The following SLCO1A2 variants were observed in gnomAD, a reference collection of about 807,000 sequenced individuals.
SLCO1A2 encodes the protein solute carrier organic anion transporter family member 1A2, also known as OATP-1.
Under a neutral mutation model 69.0 loss-of-function variants are expected in SLCO1A2, and 67 were observed. The observed-to-expected ratio is 0.97, with a 90% confidence interval of 0.80 to 1.19. SLCO1A2 has a LOEUF of 1.19. SLCO1A2 is among the 50% of genes most tolerant of loss of function. The pLI, the probability that SLCO1A2 is intolerant of heterozygous loss-of-function variation, is 0.00. For missense variants in SLCO1A2, 787 were observed against 793.7 expected (o/e 0.99, Z 0.10); for synonymous variants, 260 against 265.9 (o/e 0.98, Z 0.22).
intron 11 of SLCO1A2, among the ~76,000 whole-genome samples, chr12:21,293,317 A>G (rs937106538): frequency 2.6e-5 from 4 of 152,184 alleles, no homozygotes; most frequent in African/African-American, 9.7e-5. Flanking sequence ...AAAAGAAAAG[A>G]AAAGAAATAG....
chr12:21,348,820 T>C (rs1037872360), intron 2 of SLCO1A2, among the ~76,000 whole-genome samples: 3 of 152,200 alleles, frequency 2.0e-5, no homozygotes, highest in African/African-American at 7.2e-5. Flanking sequence ...GTGCAGCTAC[T>C]CTGAATAATA....
Position 21,274,406 on chromosome 12 carries a change from A to G in SLCO1A2, c.1793+63T>C, listed in dbSNP as rs1591772391. On this transcript the variant is annotated intron_variant, in intron 14 of 14. Transcript: ENST00000683939. Reference sequence around the variant, plus strand: ...TTGACAAAGAAAAAGTTACGTGTGAATGGTGCTGCGTTATGCACAGTCTAT... The same window carrying G: ...TTGACAAAGAAAAAGTTACGTGTGAGTGGTGCTGCGTTATGCACAGTCTAT... 6 of 1,029,354 alleles carry G rather than the reference A, an allele frequency of 5.8e-6. No homozygotes were observed. The South Asian group carries it at 7.3e-5, about 13-fold the overall frequency. 63.8% of individuals were successfully genotyped at this position (1,029,354 alleles called of 1,614,324 possible). A position where few individuals can be genotyped will look rare whatever the true frequency, so the allele number is the denominator to read the frequency against.
intron 1 of SLCO1A2, among the ~76,000 whole-genome samples, chr12:21,415,888 A>G (rs1013912176): frequency 5.9e-5 from 9 of 151,678 alleles, no homozygotes; most frequent in African/African-American, 1.7e-4. Flanking sequence ...ATATTTTCCT[A>G]CTTTTTGTCC....
intron 2 of SLCO1A2, among the ~76,000 whole-genome samples, chr12:21,325,581 G>A (rs1952160714): frequency 6.6e-6 from 1 of 152,072 alleles, no homozygotes; most frequent in African/African-American, 2.4e-5. Flanking sequence ...GCCTTTTGCT[G>A]TTTCTTCAAT....
At chr12:21,407,551 A>G (rs762457489) in intron 1 of SLCO1A2, among the ~76,000 whole-genome samples, 2 of 152,196 alleles carry the variant, frequency 1.3e-5, no homozygotes. Flanking sequence ...CTATAATCCA[A>G]GCACTTTGGG....
intron 2 of SLCO1A2, among the ~76,000 whole-genome samples, chr12:21,327,465 C>T: frequency 6.6e-6 from 1 of 152,114 alleles, no homozygotes; most frequent in East Asian, 1.9e-4. Flanking sequence ...GGAAAAGCCA[C>T]AGAACACTCA....
At chr12:21,287,908 G>A (rs60183685) in intron 12 of SLCO1A2, among the ~76,000 whole-genome samples, 15,354 of 119,800 alleles carry the variant, frequency 0.13, 1,279 homozygotes, top group African/African-American at 0.21. Flanking sequence ...TATACCTAAT[G>A]CTAGATGACG....
At chr12:21,272,378 G>A (rs1349098923) in intron 14 of SLCO1A2, among the ~76,000 whole-genome samples, 1 of 151,622 alleles carries the variant, frequency 6.6e-6, no homozygotes, top group African/African-American at 2.4e-5. Flanking sequence ...TGTGGGACAA[G>A]TATATTGAAA....
At chr12:21,409,683 A>C (rs1941876718) in intron 1 of SLCO1A2, among the ~76,000 whole-genome samples, 1 of 152,162 alleles carries the variant, frequency 6.6e-6, no homozygotes, top group South Asian at 2.1e-4. Flanking sequence ...GCAAAGTATT[A>C]AGATGAATTC....
intron 12 of SLCO1A2, among the ~76,000 whole-genome samples, chr12:21,281,106 G>C (rs1418848199): frequency 6.6e-6 from 1 of 151,946 alleles, no homozygotes; most frequent in Non-Finnish European, 1.5e-5. Flanking sequence ...TACTAAGAAG[G>C]AAGTTTATAA....
At chr12:21,367,456 A>G (rs1471065245) in intron 2 of SLCO1A2, among the ~76,000 whole-genome samples, 3 of 152,188 alleles carry the variant, frequency 2.0e-5, no homozygotes, top group African/African-American at 4.8e-5. Flanking sequence ...AGGCTATAGG[A>G]GAAAGATTTC....
intron 13 of SLCO1A2, 46 bp from the exon 14 acceptor site, chr12:21,274,632 A>G (rs1342470338): frequency 1.7e-6 from 2 of 1,200,792 alleles, no homozygotes; most frequent in Admixed American, 3.6e-5. Context: ...GAATTAAGAT[A>G]CTTGATTTAT....
intron 12 of SLCO1A2, among the ~76,000 whole-genome samples, chr12:21,285,597 C>T (rs1326788884): frequency 1.5e-5 from 2 of 134,832 alleles, no homozygotes; most frequent in East Asian, 4.2e-4. Context: ...AACATTGATG[C>T]AAAAATCCTC....
intron 2 of SLCO1A2, among the ~76,000 whole-genome samples, chr12:21,322,711 T>C (rs1951786315): frequency 6.6e-6 from 1 of 152,286 alleles, no homozygotes; most frequent in East Asian, 1.9e-4. Context: ...GGTTTTTTCC[T>C]GAATTCCAAA....
chr12:21,351,832 T>C (rs993128717), intron 2 of SLCO1A2, among the ~76,000 whole-genome samples: 1 of 151,928 alleles, frequency 6.6e-6, no homozygotes, highest in Admixed American at 6.6e-5. Flanking sequence ...AGACCATTAT[T>C]GAAGGGAATA....
At chr12:21,389,137 G>C (rs187309724) in intron 1 of SLCO1A2, among the ~76,000 whole-genome samples, 1 of 152,226 alleles carries the variant, frequency 6.6e-6, no homozygotes, top group African/African-American at 2.4e-5. Context: ...ATATGAGTTA[G>C]GGTCACTGTG....
chr12:21,362,807 C>A (rs1013109779), intron 2 of SLCO1A2, among the ~76,000 whole-genome samples: 2 of 152,172 alleles, frequency 1.3e-5, no homozygotes, highest in African/African-American at 4.8e-5. Flanking sequence ...AAGGCCATTA[C>A]ATAATGGTAA....
At chr12:21,326,260 T>G (rs187441787) in intron 2 of SLCO1A2, among the ~76,000 whole-genome samples, 2 of 152,304 alleles carry the variant, frequency 1.3e-5, no homozygotes, top group Non-Finnish European at 2.9e-5. Context: ...CTTTATAAAT[T>G]ACCCAGTCTC....
intron 14 of SLCO1A2, among the ~76,000 whole-genome samples, chr12:21,271,722 T>C (rs1489542649): frequency 6.7e-6 from 1 of 148,306 alleles, no homozygotes; most frequent in Non-Finnish European, 1.5e-5. Context: ...TACATGTGAA[T>C]ATATGTTGCA....
Sources: gnomAD v4.1 joint callset for allele counts (sites outside exome capture counted in the v4.1 genomes callset) on GRCh38, gnomAD v4.1.1 for gene constraint, MANE v1.5 for transcripts, NCBI Gene and HGNC (gene_info 2026-07-23, HGNC 2026-07-21) for gene names.